The following CARD8 variants were observed in gnomAD, a reference collection of about 807,000 sequenced individuals.
CARD8 encodes the protein caspase recruitment domain-containing protein 8.
Under a neutral mutation model 53.2 loss-of-function variants are expected in CARD8, and 38 were observed. The observed-to-expected ratio is 0.71, with a 90% CI of 0.55 to 0.94. CARD8 has a LOEUF of 0.94. Among genes scored for constraint, CARD8 ranks in the 40% least tolerant of loss-of-function variants. The pLI is 0.00. For missense variants in CARD8, 561 were observed against 655.5 expected (o/e 0.86, Z 1.57); for synonymous variants, 245 against 244.9 (o/e 1.00, Z 0.00).
intron 12 of CARD8, among the ~76,000 whole-genome samples, chr19:48,216,902 AC>A (rs1459644145): frequency 6.6e-6 from 1 of 152,190 alleles, no homozygotes; most frequent in Non-Finnish European, 1.5e-5. Context: ...TAATGAAATA[AC>A]TATACAAACA....
intron 4 of CARD8, among the ~76,000 whole-genome samples, chr19:48,239,250 G>T (rs923714668): frequency 2.0e-5 from 3 of 152,154 alleles, no homozygotes; most frequent in Non-Finnish European, 4.4e-5. Flanking sequence ...ACTCAGCAGT[G>T]ACAGACCTGT....
chr19:48,223,496 A>G (rs1315598971), intron 10 of CARD8, among the ~76,000 whole-genome samples: 1 of 152,182 alleles, frequency 6.6e-6, no homozygotes, highest in Non-Finnish European at 1.5e-5. Flanking sequence ...GGCATCACAT[A>G]TATGTTTAGA....
downstream of CARD8, among the ~76,000 whole-genome samples, chr19:48,207,732 C>CTGGTTTTTTTTTT (rs1555790095): frequency 3.3e-4 from 30 of 91,274 alleles, no homozygotes; most frequent in African/African-American, 1.1e-3. Context: ...TGTTGTTTTT[C>CTGGTTTTTTTTTT]TGTTTTTTTT....
intron 4 of CARD8, among the ~76,000 whole-genome samples, chr19:48,239,458 T>C (rs911678629): frequency 1.3e-5 from 2 of 148,488 alleles, no homozygotes; most frequent in Admixed American, 1.4e-4. Context: ...ATCATCTGTC[T>C]CAGTCATTTC....
At chr19:48,227,925 T>C (rs539849750) in intron 10 of CARD8, among the ~76,000 whole-genome samples, 9 of 152,204 alleles carry the variant, frequency 5.9e-5, no homozygotes, top group Admixed American at 2.0e-4. Flanking sequence ...GTGTGTGAGC[T>C]GTTAGGAATC....
At chr19:48,241,731 A>C (rs1458512948) in intron 3 of CARD8, among the ~76,000 whole-genome samples, 3 of 152,056 alleles carry the variant, frequency 2.0e-5, no homozygotes, top group African/African-American at 7.2e-5. Flanking sequence ...TGTCACCTTG[A>C]TTTCTTTAAA....
chr19:48,203,925 AC>A (rs1339314328), downstream of CARD8: 1 of 288,554 alleles, frequency 3.5e-6, no homozygotes, highest in Non-Finnish European at 6.9e-6. Context: ...GCTGAGCGCC[AC>A]CAGCGCTTTC....
intron 4 of CARD8, 25 bp downstream of exon 4, chr19:48,240,937 C>T (rs1327323002): frequency 2.0e-6 from 3 of 1,520,276 alleles, no homozygotes; most frequent in South Asian, 2.4e-5. Context: ...CATCAGGAGC[C>T]CTCACAGAGC....
chr19:48,207,734 G>GTTTTTTTTTT (rs758903014), downstream of CARD8, among the ~76,000 whole-genome samples: 7 of 116,548 alleles, frequency 6.0e-5, no homozygotes, highest in African/African-American at 1.8e-4. Flanking sequence ...TTGTTTTTCT[G>GTTTTTTTTTT]TTTTTTTTTT....
At chr19:48,207,668 A>G (rs993211276), downstream of CARD8, among the ~76,000 whole-genome samples, 1 of 147,500 alleles carries the variant, frequency 6.8e-6, no homozygotes, top group Non-Finnish European at 1.5e-5. Context: ...ATATCACCTG[A>G]TATTTACATC....
In CARD8 at chr19:48,242,172, C is replaced by A. The variant is rs917055969; in HGVS notation, c.-43-1109G>T. Among the ~76,000 whole-genome samples, 3 of 152,210 alleles carry A rather than the reference C, an allele frequency of 2.0e-5. No homozygotes were observed. In the South Asian group the frequency reaches 6.2e-4, roughly 32 times the overall value. On this transcript the variant is annotated intron_variant, in intron 3 of 13. Coordinates refer to ENST00000651546, the MANE Select transcript of CARD8 (RefSeq NM_001184900.3). The stretch of plus-strand genomic sequence containing the variant: ...TGATGATAGGAGGAGATGGGGCCTT[C>A]GGGAGGTGATGAGGTCATGAGGGTG...
At chr19:48,229,148 A>G (rs1048676580) in intron 10 of CARD8, among the ~76,000 whole-genome samples, 28 of 152,182 alleles carry the variant, frequency 1.8e-4, no homozygotes, top group African/African-American at 6.8e-4. Flanking sequence ...AAAAAGAAAA[A>G]AAGAAAAGAA....
At chr19:48,238,942 G>C (rs1219034692) in intron 4 of CARD8, among the ~76,000 whole-genome samples, 1 of 152,190 alleles carries the variant, frequency 6.6e-6, no homozygotes, top group Non-Finnish European at 1.5e-5. Context: ...ATCTCAGGAG[G>C]CATGCCTCCT....
At chr19:48,244,703 G>A (rs947635705) in intron 3 of CARD8, among the ~76,000 whole-genome samples, 1 of 152,166 alleles carries the variant, frequency 6.6e-6, no homozygotes, top group Admixed American at 6.5e-5. Context: ...ATCAGGCATG[G>A]AACGGTCCCA....
chr19:48,234,989 T>C (rs1308782253), intron 5 of CARD8, among the ~76,000 whole-genome samples: 4 of 152,166 alleles, frequency 2.6e-5, no homozygotes. Flanking sequence ...AGGGCATTAG[T>C]GAGATTGGGC....
intron 10 of CARD8, among the ~76,000 whole-genome samples, chr19:48,229,863 A>T (rs1472209841): frequency 6.6e-6 from 1 of 152,208 alleles, no homozygotes; most frequent in Non-Finnish European, 1.5e-5. Context: ...CTGTAATCCC[A>T]ACACTTCGGG....
chr19:48,206,448 C>A, downstream of CARD8: 1 of 459,624 alleles, frequency 2.2e-6, no homozygotes, highest in South Asian at 1.5e-5. Context: ...TTAGGGTAAC[C>A]AAGGGTTAAG....
intron 6 of CARD8, chr19:48,233,581 C>G: frequency 2.9e-6 from 1 of 346,816 alleles, no homozygotes; most frequent in Non-Finnish European, 5.7e-6. Context: ...GTAAACATGC[C>G]ATTTTATATT....
chr19:48,215,525 T>C (rs2039089214), intron 12 of CARD8, 141 bp from the exon 13 acceptor site: 3 of 586,990 alleles, frequency 5.1e-6, no homozygotes, highest in South Asian at 1.9e-5. Flanking sequence ...ACTAATACAC[T>C]GAGGAAACCC....
Sources: gnomAD v4.1 joint callset for allele counts (sites outside exome capture counted in the v4.1 genomes callset) on GRCh38, gnomAD v4.1.1 for gene constraint, MANE v1.5 for transcripts, NCBI Gene and HGNC (gene_info 2026-07-23, HGNC 2026-07-21) for gene names.